RBFOX1: variants seen among roughly 807,000 people sequenced by gnomAD.
The protein encoded by RBFOX1 is RNA binding protein fox-1 homolog 1.
A neutral mutation model predicts 57.7 loss-of-function variants in RBFOX1; 8 were observed. That is an observed-to-expected ratio of 0.14 (90% CI 0.08 to 0.25). RBFOX1 has a LOEUF of 0.25. RBFOX1 is among the 10% of genes least tolerant of loss of function. The pLI is 1.00. For missense variants in RBFOX1, 611 were observed against 548.5 expected, an observed-to-expected ratio of 1.11 and a Z score of -1.14; for synonymous variants, 326 against 222.4, an observed-to-expected ratio of 1.47 and a Z score of -4.15.
intron 4 of RBFOX1, among the ~76,000 whole-genome samples, chr16:7,506,153 C>G (rs528254585): frequency 4.4e-5 from 6 of 136,048 alleles, no homozygotes; most frequent in Non-Finnish European, 9.1e-5. Flanking sequence ...CCACTGCACT[C>G]CAGCCTGGGT....
intron 1 of RBFOX1, among the ~76,000 whole-genome samples, chr16:5,299,443 A>G (rs146022349): frequency 2.1e-4 from 32 of 152,378 alleles, no homozygotes; most frequent in Admixed American, 3.3e-4. Flanking sequence ...TCTTTTAGGT[A>G]AATGCTCAGG....
chr16:7,366,580 A>T (rs1024612438), intron 4 of RBFOX1, among the ~76,000 whole-genome samples: 2 of 151,656 alleles, frequency 1.3e-5, no homozygotes, highest in Non-Finnish European at 2.9e-5. Context: ...CTTGTGTCCT[A>T]GTTGATATAT....
intron 3 of RBFOX1, among the ~76,000 whole-genome samples, chr16:6,885,475 C>T (rs766197797): frequency 7.2e-5 from 11 of 152,192 alleles, no homozygotes; most frequent in Non-Finnish European, 1.0e-4. Flanking sequence ...TTCCTGGAGA[C>T]TTTCTTGACA....
chr16:7,440,670 T>G (rs998897421), intron 4 of RBFOX1, among the ~76,000 whole-genome samples: 3 of 152,116 alleles, frequency 2.0e-5, no homozygotes, highest in Non-Finnish European at 4.4e-5. Flanking sequence ...AAGACTCAGG[T>G]GAATGAGTAA....
chr16:5,463,996 C>T (rs1438811782), intron 1 of RBFOX1, among the ~76,000 whole-genome samples: 2 of 152,134 alleles, frequency 1.3e-5, no homozygotes, highest in Admixed American at 6.6e-5. Context: ...CTGGGAGAAT[C>T]ATGCTGTGCA....
At chr16:5,873,073 C>T (rs781510753) in intron 4 of RBFOX1, among the ~76,000 whole-genome samples, 14 of 152,114 alleles carry the variant, frequency 9.2e-5, no homozygotes, top group Admixed American at 2.6e-4. Flanking sequence ...TAGCTTGAAC[C>T]CAGGAGGCAG....
At chr16:5,966,892 C>T (rs1438488269) in intron 4 of RBFOX1, among the ~76,000 whole-genome samples, 1 of 149,720 alleles carries the variant, frequency 6.7e-6, no homozygotes, top group African/African-American at 2.4e-5. Context: ...TGTCCTCTTC[C>T]CAAACAGCCT....
intron 2 of RBFOX1, among the ~76,000 whole-genome samples, chr16:6,455,740 T>C (rs2153054455): frequency 1.3e-5 from 2 of 152,304 alleles, no homozygotes; most frequent in Admixed American, 1.3e-4. Flanking sequence ...TCGTTGCAGC[T>C]GGTAATGACC....
intron 2 of RBFOX1, among the ~76,000 whole-genome samples, chr16:6,598,983 C>T (rs936760166): frequency 3.3e-5 from 5 of 152,120 alleles, no homozygotes; most frequent in African/African-American, 1.2e-4. Context: ...CTCTGTTTCC[C>T]ATCCCAGTGT....
chr16:5,400,243 C>T (rs1238706096), intron 1 of RBFOX1, among the ~76,000 whole-genome samples: 1 of 151,996 alleles, frequency 6.6e-6, no homozygotes, highest in Non-Finnish European at 1.5e-5. Flanking sequence ...AGGTGCTTGC[C>T]ACCACACCCG....
intron 3 of RBFOX1, among the ~76,000 whole-genome samples, chr16:6,759,411 A>G (rs1337588807): frequency 1.3e-5 from 2 of 151,700 alleles, no homozygotes; most frequent in Non-Finnish European, 2.9e-5. Context: ...TCAGCCTCCC[A>G]TAGTGCTGGG....
At chr16:6,761,500 CTTTTTT>C (rs869243278) in intron 3 of RBFOX1, among the ~76,000 whole-genome samples, 7 of 60,128 alleles carry the variant, frequency 1.2e-4, no homozygotes, top group Non-Finnish European at 1.7e-4. Flanking sequence ...TCCCAATCTC[CTTTTTT>C]TTTTTTTTTT....
chr16:6,040,011 G>C (rs896383483), intron 1 of RBFOX1, among the ~76,000 whole-genome samples: 2 of 152,168 alleles, frequency 1.3e-5, no homozygotes, highest in African/African-American at 4.8e-5. Flanking sequence ...TAGAGCAAGA[G>C]GTAGGGAGAG....
chr16:5,563,828 C>T lies in RBFOX1; in HGVS notation c.259-35074C>T, dbSNP rs1490691158. Among the ~76,000 whole-genome samples the T allele has an allele frequency of 2.0e-5, 3 of 152,084 alleles. No individual in the cohort carries two copies. In the East Asian group the frequency reaches 5.8e-4, roughly 29 times the overall value. ...AAAGTAACCTTGTACCTTTTAGCAG[C>T]CACATCCCATTTCTTCTTCCCATCT... On this transcript the variant is annotated intron_variant, in intron 2 of 2. Coordinates refer to the RBFOX1 transcript ENST00000585867.
At chr16:6,904,220 C>T (rs774988575) in intron 3 of RBFOX1, among the ~76,000 whole-genome samples, 1 of 152,160 alleles carries the variant, frequency 6.6e-6, no homozygotes, top group African/African-American at 2.4e-5. Flanking sequence ...ACTTTTGATG[C>T]ACATGTGTGT....
chr16:7,059,727 T>A (rs1005051605), intron 4 of RBFOX1, among the ~76,000 whole-genome samples: 2 of 152,200 alleles, frequency 1.3e-5, no homozygotes, highest in Non-Finnish European at 2.9e-5. Context: ...ATGTAGTGAC[T>A]GTTTGGTACA....
At chr16:7,130,193 C>G (rs1307312785) in intron 4 of RBFOX1, among the ~76,000 whole-genome samples, 3 of 152,024 alleles carry the variant, frequency 2.0e-5, no homozygotes, top group African/African-American at 4.8e-5. Context: ...GCCACCATGC[C>G]CAGCTAATTT....
Position 7,698,118 on chromosome 16 carries a change from A to T in RBFOX1, c.996-10938A>T, listed in dbSNP as rs538854738. Among the ~76,000 whole-genome samples the T allele has an allele frequency of 7.2e-5, 11 of 152,242 alleles. No homozygotes were observed. The South Asian group carries it at 2.3e-3, about 32-fold the overall frequency. On this transcript the variant is annotated intron_variant, in intron 14 of 15. Coordinates refer to ENST00000550418, the MANE Select transcript of RBFOX1 (RefSeq NM_018723.4). Reference sequence around the variant, plus strand: ...AGTTAGTGGCTGAAAAACAATTAACAATATGCTAGTCCCTGAAAACCCCAG... The same window carrying T: ...AGTTAGTGGCTGAAAAACAATTAACTATATGCTAGTCCCTGAAAACCCCAG...
At chr16:7,128,766 G>C (rs927908123) in intron 4 of RBFOX1, among the ~76,000 whole-genome samples, 5 of 151,894 alleles carry the variant, frequency 3.3e-5, no homozygotes, top group Non-Finnish European at 5.9e-5. Flanking sequence ...GGAAGAATCG[G>C]AGGCTATTTT....
Sources: allele counts gnomAD v4.1 joint callset (sites outside exome capture counted in the v4.1 genomes callset), GRCh38; gene constraint gnomAD v4.1.1; transcripts MANE v1.5; gene names NCBI Gene and HGNC (gene_info 2026-07-23, HGNC 2026-07-21).